COL6A5: variants seen among roughly 807,000 people sequenced by gnomAD.
COL6A5 encodes collagen type VI alpha 5 chain.
COL6A5 carries 48 observed loss-of-function variants against 65.6 expected under a neutral mutation model. That is an observed-to-expected ratio of 0.73 (90% CI 0.58 to 0.93). The LOEUF (loss-of-function observed/expected upper bound fraction) is 0.93, where lower values mean the gene tolerates loss of function less well. Among genes scored for constraint, COL6A5 ranks in the 40% least tolerant of loss-of-function variants. The probability of loss-of-function intolerance (pLI) is 0.00; values close to 1 mark genes in which losing one functional copy is unlikely to be tolerated. For missense variants in COL6A5, 914 were observed against 928.3 expected (o/e 0.98, Z 0.20); for synonymous variants, 291 against 322.8 (o/e 0.90, Z 1.05).
At chr3:130,478,178 G>T (rs1289366150) in intron 7 of COL6A5, among the ~76,000 whole-genome samples, 5 of 152,044 alleles carry the variant, frequency 3.3e-5, no homozygotes, top group African/African-American at 1.2e-4. Flanking sequence ...AGTATGAAGT[G>T]CTTCAAACAG....
At position 130,410,091 on chromosome 3, in the gene COL6A5, T is replaced by A; in HGVS notation, c.4608+17T>A. Reference sequence around the variant, plus strand: ...GGAAGACAAGTAATTTGATCTGTTTTATCTATGAGTTGATTAATTCTGTTA... The same window carrying A: ...GGAAGACAAGTAATTTGATCTGTTTAATCTATGAGTTGATTAATTCTGTTA... On this transcript the variant is annotated intron_variant and NMD_transcript_variant, in intron 19 of 41. Transcript: ENST00000312481. 6.6e-7 allele frequency: 1 copy of A among 1,511,026 alleles called. No individual in the cohort carries two copies. Among genetic ancestry groups the A allele is most frequent in the Non-Finnish European group, 9.0e-7 (1 of 1,112,690 alleles). 93.6% of individuals were successfully genotyped at this position (1,511,026 alleles called of 1,614,324 possible). A position where few individuals can be genotyped will look rare whatever the true frequency, so the allele number is the denominator to read the frequency against.
At position 130,457,444 on chromosome 3, in the gene COL6A5, T is replaced by C. The variant is rs915873868; in HGVS notation, c.1544+1778T>C. The stretch of plus-strand genomic sequence containing the variant: ...TTCAGTATAAAAGAAAGACTTTTCA[T>C]TGATTTTTTTCAGCTTTCTGAGAAT... On this transcript the variant is annotated intron_variant, in intron 5 of 7. Coordinates refer to ENST00000512836, the Ensembl canonical transcript of COL6A5. Among the ~76,000 whole-genome samples the C allele has an allele frequency of 4.6e-5, 7 of 152,242 alleles. No individual in the cohort carries two copies. The East Asian group carries it at 1.4e-3, about 30-fold the overall frequency.
exon 5 of COL6A5, chr3:130,455,570 T>G: frequency 1.2e-6 from 2 of 1,612,984 alleles, no homozygotes; most frequent in Middle Eastern, 1.7e-4. Flanking sequence ...AAGTGACTAT[T>G]TGGTTTACCT....
chr3:130,367,433 C>T (rs1935383123), intron 1 of COL6A5, among the ~76,000 whole-genome samples: 1 of 152,152 alleles, frequency 6.6e-6, no homozygotes, highest in African/African-American at 2.4e-5. Context: ...TTTGCACGAG[C>T]ACTTGCCTTC....
chr3:130,436,965 C>G (rs1709049254), intron 1 of COL6A5, among the ~76,000 whole-genome samples: 1 of 152,160 alleles, frequency 6.6e-6, no homozygotes, highest in African/African-American at 2.4e-5. Flanking sequence ...GCAGCCTATT[C>G]AATACTTCCA....
In COL6A5 at chr3:130,398,125, GTTGTTTT is replaced by G. The variant is rs1241983638; in HGVS notation, c.3991+17_3991+23del. The G allele has an allele frequency of 4.7e-6, 5 of 1,064,950 alleles. No homozygotes were observed. Among genetic ancestry groups the G allele is most frequent in the Middle Eastern group, 3.1e-4 (1 of 3,222 alleles). The allele number at this position is 1,064,950 out of a possible 1,614,324, so 66.0% of individuals were successfully genotyped here. ...TCAGAGAAGCAGGTATTGAGTTGTT[GTTGTTTT>G]TTTTTTTTTTTTTTTTGAGATGGAG... On this transcript the variant is annotated intron_variant and NMD_transcript_variant, in intron 10 of 41. Transcript: ENST00000312481.
chr3:130,361,522 T>A (rs1250023498), intron 1 of COL6A5, among the ~76,000 whole-genome samples: 1 of 152,088 alleles, frequency 6.6e-6, no homozygotes, highest in Non-Finnish European at 1.5e-5. Flanking sequence ...CAATTATCAA[T>A]AAGGCTGAAC....
intron 7 of COL6A5, among the ~76,000 whole-genome samples, chr3:130,473,188 A>G (rs73868682): frequency 0.094 from 14,287 of 152,000 alleles, 899 homozygotes; most frequent in African/African-American, 0.18. Flanking sequence ...ATTACAACTG[A>G]AAATTCTGGA....
In COL6A5 at chr3:130,401,178, GT is replaced by G. The variant is rs1936803375; in HGVS notation, c.4134+7del. 1.3e-6 allele frequency: 2 copies of G among 1,530,586 alleles called. No individual in the cohort carries two copies. The highest frequency in any genetic ancestry group is 1.7e-4 in the Middle Eastern group (1 of 5,866). 94.8% of individuals were successfully genotyped at this position (1,530,586 alleles called of 1,614,324 possible). A position where few individuals can be genotyped will look rare whatever the true frequency, so the allele number is the denominator to read the frequency against. ...AAAAAACTATCACAGTACCTGGTGA[GT>G]TGTTGAACAAAATCCCCGGTTGTTC... On this transcript the variant is annotated splice_donor_region_variant and intron_variant and NMD_transcript_variant, in intron 11 of 41. Transcript: ENST00000312481.
intron 1 of COL6A5, among the ~76,000 whole-genome samples, chr3:130,436,438 G>C (rs1391052): frequency 0.077 from 11,711 of 151,754 alleles, 988 homozygotes; most frequent in East Asian, 0.31. Context: ...CTCCCATATA[G>C]CAATCTCCTA....
At chr3:130,467,967 C>A (rs1482491453) in intron 5 of COL6A5, among the ~76,000 whole-genome samples, 3 of 152,008 alleles carry the variant, frequency 2.0e-5, no homozygotes, top group African/African-American at 7.2e-5. Context: ...AATCAGCCAT[C>A]ATTCATATGA....
chr3:130,417,840 C>T (rs1322935436), intron 24 of COL6A5, among the ~76,000 whole-genome samples: 1 of 152,014 alleles, frequency 6.6e-6, no homozygotes, highest in East Asian at 1.9e-4. Flanking sequence ...AGCAAGGGGC[C>T]TGAGTTTTCC....
chr3:130,484,416 ATTGGACTCCT>A (rs1710324172), exon 8 of COL6A5: 1 of 405,102 alleles, frequency 2.5e-6, no homozygotes, highest in South Asian at 1.2e-4. Flanking sequence ...TGTATCTCAG[ATTGGACTCCT>A]CTAAAAGCAT....
In COL6A5 at chr3:130,366,940, C is replaced by T. The variant is rs79963650; in HGVS notation, c.-28-6671C>T. 9.8e-3 allele frequency among the ~76,000 whole-genome samples: 1,490 copies of T among 152,222 alleles called. 16 individuals are homozygous for T. The highest frequency in any genetic ancestry group is 0.081 in the South Asian group (388 of 4,812). On this transcript the variant is annotated intron_variant and NMD_transcript_variant, in intron 1 of 41. Coordinates refer to the COL6A5 transcript ENST00000312481. ...GTTGTTAGGGGGCTAATGTTTGTGGCTTTCTATATTTCATCTTTTCATGCC... is the reference window on the plus strand; with the variant it reads ...GTTGTTAGGGGGCTAATGTTTGTGGTTTTCTATATTTCATCTTTTCATGCC...
intron 7 of COL6A5, among the ~76,000 whole-genome samples, chr3:130,479,829 A>G (rs1710192383): frequency 6.6e-6 from 1 of 152,136 alleles, no homozygotes; most frequent in Admixed American, 6.6e-5. Context: ...GTTTTTTGAG[A>G]TAAATACAGT....
chr3:130,484,244 T>C, exon 8 of COL6A5: 1 of 558,508 alleles, frequency 1.8e-6, no homozygotes, highest in South Asian at 2.9e-5. Flanking sequence ...AGTGAAGACA[T>C]CAGTAAGAAG....
intron 4 of COL6A5, among the ~76,000 whole-genome samples, chr3:130,455,012 C>T (rs958352495): frequency 6.6e-6 from 1 of 151,982 alleles, no homozygotes; most frequent in African/African-American, 2.4e-5. Flanking sequence ...TGGTGGCATG[C>T]ATCTTTGGTC....
At chr3:130,422,748 G>C in exon 28 of COL6A5, 1 of 1,527,626 alleles carries the variant, frequency 6.5e-7, no homozygotes, top group Non-Finnish European at 8.8e-7. Flanking sequence ...GGAATTCCTG[G>C]GGGACCTGGA....
At chr3:130,358,640 G>A (rs914712018) in intron 1 of COL6A5, among the ~76,000 whole-genome samples, 3 of 152,138 alleles carry the variant, frequency 2.0e-5, no homozygotes, top group Non-Finnish European at 4.4e-5. Context: ...ATGTGGTAAT[G>A]TGGAATTTTT....
Sources: allele counts gnomAD v4.1 joint callset (sites outside exome capture counted in the v4.1 genomes callset), GRCh38; gene constraint gnomAD v4.1.1; transcripts MANE v1.5; gene names NCBI Gene and HGNC (gene_info 2026-07-23, HGNC 2026-07-21).